Variants in PEBP4 observed in about 807,000 individuals in gnomAD.
PEBP4 encodes phosphatidylethanolamine-binding protein 4.
In PEBP4, 22 loss-of-function variants were observed where a neutral mutation model predicts 23.9. The ratio of observed to expected loss-of-function variants is 0.92; its 90% CI spans 0.66 to 1.31. The LOEUF is 1.31. Ranked by LOEUF, PEBP4 falls within the 40% of genes most tolerant of loss-of-function variation. The pLI is 0.00. For missense variants in PEBP4, 324 were observed against 281.7 expected, an observed-to-expected ratio of 1.15 and a Z score of -1.07; for synonymous variants, 112 against 99.3, an observed-to-expected ratio of 1.13 and a Z score of -0.76.
At chr8:22,848,524 G>A (rs1807487380) in intron 3 of PEBP4, among the ~76,000 whole-genome samples, 1 of 152,170 alleles carries the variant, frequency 6.6e-6, no homozygotes, top group African/African-American at 2.4e-5. Context: ...CTCCTGTGCA[G>A]GTGTGACAGG....
At chr8:22,843,037 A>G (rs1807359782) in intron 3 of PEBP4, among the ~76,000 whole-genome samples, 1 of 152,212 alleles carries the variant, frequency 6.6e-6, no homozygotes, top group African/African-American at 2.4e-5. Context: ...CATGTTGGCC[A>G]GGCTGGTCTC....
At chr8:22,841,240 T>C (rs1807321679) in intron 3 of PEBP4, among the ~76,000 whole-genome samples, 1 of 152,278 alleles carries the variant, frequency 6.6e-6, no homozygotes, top group Admixed American at 6.5e-5. Context: ...AAGCAGCGGC[T>C]CTTAGCCACT....
chr8:22,855,499 T>C (rs7007235), intron 3 of PEBP4, among the ~76,000 whole-genome samples: 98,963 of 151,966 alleles, frequency 0.65, 34,032 homozygotes, highest in South Asian at 0.81. Context: ...GATCTGTATT[T>C]TCACATCCCT....
At chr8:22,938,266 C>G (rs1304011779) in intron 1 of PEBP4, among the ~76,000 whole-genome samples, 1 of 151,986 alleles carries the variant, frequency 6.6e-6, no homozygotes, top group Admixed American at 6.5e-5. Flanking sequence ...GTGGACTACT[C>G]TCTGTCTTCC....
intron 4 of PEBP4, among the ~76,000 whole-genome samples, chr8:22,797,048 G>A (rs1563219245): frequency 6.6e-6 from 1 of 151,820 alleles, no homozygotes; most frequent in Non-Finnish European, 1.5e-5. Flanking sequence ...CTGAGGTAGG[G>A]AGTTTGAGAC....
rs199961232 is a variant in PEBP4 at position 22,746,284 on chromosome 8, G to T, written c.358-19064C>A. On this transcript the variant is annotated intron_variant, in intron 4 of 6. Transcript: ENST00000256404. ...GTGTGGAGGCCCCTCTGGGGTTAGA[G>T]AGAGCTCTGGGTACAAGGGCTGATC... Among the ~76,000 whole-genome samples the T allele has an allele frequency of 7.2e-5, 11 of 152,280 alleles. No individual in the cohort carries two copies. The East Asian group carries it at 1.9e-3, about 27-fold the overall frequency.
chr8:22,872,896 C>T (rs1306727091), intron 3 of PEBP4, among the ~76,000 whole-genome samples: 1 of 152,100 alleles, frequency 6.6e-6, no homozygotes, highest in South Asian at 2.1e-4. Flanking sequence ...AGGCTGGTCT[C>T]GAACTCCTGA....
At chr8:22,749,805 C>CTGTTTTTTTTTTTTTTTT (rs1805209179) in intron 4 of PEBP4, among the ~76,000 whole-genome samples, 1 of 83,762 alleles carries the variant, frequency 1.2e-5, no homozygotes, top group Non-Finnish European at 2.4e-5. Flanking sequence ...GTTTGTCATT[C>CTGTTTTTTTTTTTTTTTT]TTTTTTTTTT....
chr8:22,856,184 G>A (rs1807643687), intron 3 of PEBP4, among the ~76,000 whole-genome samples: 2 of 151,674 alleles, frequency 1.3e-5, no homozygotes, highest in Non-Finnish European at 2.9e-5. Flanking sequence ...TAAGAAAAAA[G>A]TCTAAATAGA....
Position 22,773,663 on chromosome 8 carries a change from C to A in PEBP4, c.357+43974G>T, listed in dbSNP as rs145212449. Among the ~76,000 whole-genome samples the A allele has an allele frequency of 1.0e-2, 1,522 of 152,298 alleles. 24 individuals carry two copies. The highest frequency in any genetic ancestry group is 0.034 in the African/African-American group (1,406 of 41,554). ...AGGGTGCTCAGGAGGGAGGCTGCTG[C>A]CAGAAGGACCTGTGGGATGTTCCCA... On this transcript the variant is annotated intron_variant, in intron 4 of 6. Transcript: ENST00000256404.
At chr8:22,883,255 T>C (rs767793303) in intron 3 of PEBP4, among the ~76,000 whole-genome samples, 2 of 152,192 alleles carry the variant, frequency 1.3e-5, no homozygotes, top group Non-Finnish European at 2.9e-5. Context: ...TCCAAACACT[T>C]TCTGATGTGA....
chr8:22,751,602 G>C, intron 4 of PEBP4, among the ~76,000 whole-genome samples: 1 of 132,348 alleles, frequency 7.6e-6, no homozygotes, highest in South Asian at 2.8e-4. Flanking sequence ...GTGTGTGTGT[G>C]TGTGTGTCTG....
At chr8:22,805,737 C>T (rs956032227) in intron 4 of PEBP4, among the ~76,000 whole-genome samples, 3 of 152,160 alleles carry the variant, frequency 2.0e-5, no homozygotes, top group Non-Finnish European at 4.4e-5. Flanking sequence ...ATACTGTGTA[C>T]TCTGCTCTCT....
intron 3 of PEBP4, among the ~76,000 whole-genome samples, chr8:22,831,879 G>A (rs1376116960): frequency 6.6e-6 from 1 of 152,166 alleles, no homozygotes; most frequent in Admixed American, 6.5e-5. Flanking sequence ...GAGGTGAAGT[G>A]GAGTGGCAGT....
chr8:22,912,695 T>C (rs1053416976), intron 3 of PEBP4, among the ~76,000 whole-genome samples: 1 of 152,214 alleles, frequency 6.6e-6, no homozygotes, highest in African/African-American at 2.4e-5. Flanking sequence ...CCTGAACATC[T>C]AACTGCAAAG....
intron 4 of PEBP4, among the ~76,000 whole-genome samples, chr8:22,773,484 G>A (rs1425117333): frequency 6.6e-6 from 1 of 152,086 alleles, no homozygotes; most frequent in Non-Finnish European, 1.5e-5. Context: ...GAAGCCTGTG[G>A]GATTTCTCAG....
intron 4 of PEBP4, among the ~76,000 whole-genome samples, chr8:22,782,337 C>T (rs1447996995): frequency 6.6e-6 from 1 of 152,204 alleles, no homozygotes; most frequent in African/African-American, 2.4e-5. Flanking sequence ...TCACAGAGCA[C>T]GTGGGAACCT....
chr8:22,817,698 G>A lies in PEBP4; in HGVS notation c.296C>T (p.Ala99Val). 1 of 1,614,156 alleles carries A rather than the reference G, an allele frequency of 6.2e-7. No individual in the cohort carries two copies. Among genetic ancestry groups the A allele is most frequent in the Non-Finnish European group, 8.5e-7 (1 of 1,180,032 alleles). Residue 99 changes from alanine to valine, a missense_variant, in exon 4 of 7, where the codon GCC becomes GTC. Transcript: ENST00000256404. ...TYILVMVDPDAPSRAEPRQRF... is the reference protein window; with the variant it reads ...TYILVMVDPDVPSRAEPRQRF... ...CTGTCTGGGTTCTGCTCTGCTAGGG[G>A]CATCTGGATCCACCATCACCAGGAT...
rs1427825792 is a variant in PEBP4 at position 22,775,444 on chromosome 8, G to A, written c.357+42193C>T. ...CTCCTTTACAACCATGCCGGGAGGG[G>A]TGCGCAGGGGCCCGTGGGTGGTGTT... On this transcript the variant is annotated intron_variant, in intron 4 of 6. Transcript: ENST00000256404. This position sits in a 1 kb window ranked among gnomAD's most constrained non-coding sequence, Gnocchi z 4.8. 2.0e-5 allele frequency among the ~76,000 whole-genome samples: 3 copies of A among 152,186 alleles called. No individual in the cohort carries two copies. The highest frequency in any genetic ancestry group is 4.4e-5 in the Non-Finnish European group (3 of 68,028).
Sources: allele counts gnomAD v4.1 joint callset (sites outside exome capture counted in the v4.1 genomes callset), GRCh38; gene constraint gnomAD v4.1.1; non-coding constraint Gnocchi (gnomAD v3.1); transcripts MANE v1.5; gene names NCBI Gene and HGNC (gene_info 2026-07-23, HGNC 2026-07-21).